Variants in TPST1 observed in about 807,000 individuals in gnomAD.
The protein encoded by TPST1 is protein-tyrosine sulfotransferase 1.
TPST1 carries 20 observed loss-of-function variants against 34.8 expected under a neutral mutation model. That is an observed-to-expected ratio of 0.57 (90% CI 0.40 to 0.84). The LOEUF (loss-of-function observed/expected upper bound fraction) is 0.84, where lower values mean the gene tolerates loss of function less well. Ranked by LOEUF, TPST1 falls within the 40% of genes least tolerant of loss-of-function variation. The pLI is 0.00. For missense variants in TPST1, 353 were observed against 455.5 expected (o/e 0.78, Z 2.05); for synonymous variants, 152 against 159.4 (o/e 0.95, Z 0.35).
intron 2 of TPST1, among the ~76,000 whole-genome samples, chr7:66,284,245 G>T (rs983627515): frequency 6.6e-6 from 1 of 152,124 alleles, no homozygotes; most frequent in Admixed American, 6.5e-5. Flanking sequence ...ATGAAGCAGA[G>T]CTACCATCAG....
chr7:66,328,876 CTCTCTCTCTCTATA>C (rs1389809904), intron 3 of TPST1, among the ~76,000 whole-genome samples: 1 of 24,642 alleles, frequency 4.1e-5, no homozygotes, highest in Non-Finnish European at 8.2e-5. Flanking sequence ...CTCTCTCTCT[CTCTCTCTCTCTATA>C]TATATATATA....
intron 2 of TPST1, among the ~76,000 whole-genome samples, chr7:66,246,754 C>T (rs1486406269): frequency 6.6e-6 from 1 of 152,200 alleles, no homozygotes; most frequent in Non-Finnish European, 1.5e-5. Flanking sequence ...TCCATCATCC[C>T]CAGGATCCAA....
At chr7:66,269,326 A>G (rs1790652685) in intron 2 of TPST1, among the ~76,000 whole-genome samples, 1 of 152,252 alleles carries the variant, frequency 6.6e-6, no homozygotes, top group Non-Finnish European at 1.5e-5. Context: ...TTTCTTATGC[A>G]TGCAGATGCT....
At chr7:66,274,367 A>G (rs974663923) in intron 2 of TPST1, among the ~76,000 whole-genome samples, 201 of 144,076 alleles carry the variant, frequency 1.4e-3, no homozygotes, top group Non-Finnish European at 2.7e-3. Context: ...ACTCCGTCTG[A>G]AAAAAAAAAA....
chr7:66,284,986 A>G (rs11979489), intron 2 of TPST1, among the ~76,000 whole-genome samples: 5,913 of 152,178 alleles, frequency 0.039, 380 homozygotes, highest in African/African-American at 0.13. Context: ...TCCCATAGTT[A>G]TCAGCACTGA....
At chr7:66,293,003 G>A (rs1006723592) in intron 3 of TPST1, among the ~76,000 whole-genome samples, 1 of 152,078 alleles carries the variant, frequency 6.6e-6, no homozygotes, top group East Asian at 1.9e-4. Flanking sequence ...TCAGGAGATC[G>A]AGACCATCCT....
intron 1 of TPST1, among the ~76,000 whole-genome samples, chr7:66,240,122 C>T (rs185260888): frequency 1.2e-4 from 18 of 152,022 alleles, no homozygotes; most frequent in African/African-American, 4.1e-4. Flanking sequence ...CTCCTGACCT[C>T]GTGATCCGCC....
At chr7:66,231,751 C>T (rs533441941) in intron 1 of TPST1, among the ~76,000 whole-genome samples, 155 of 152,360 alleles carry the variant, frequency 1.0e-3, no homozygotes, top group African/African-American at 3.5e-3. Context: ...CTGAGGGAGC[C>T]GGCTCCAGCC....
intron 1 of TPST1, among the ~76,000 whole-genome samples, chr7:66,230,659 TG>T (rs1176879407): frequency 6.6e-6 from 1 of 152,174 alleles, no homozygotes; most frequent in Non-Finnish European, 1.5e-5. Context: ...AAAAGCAGTG[TG>T]GACCCAAAGA....
intron 1 of TPST1, among the ~76,000 whole-genome samples, chr7:66,226,784 T>C (rs549488278): frequency 6.6e-6 from 1 of 152,294 alleles, no homozygotes; most frequent in African/African-American, 2.4e-5. Context: ...TGGCAAGGTA[T>C]TCTTTGCCCT....
At chr7:66,286,165 A>T (rs1201593447) in intron 2 of TPST1, among the ~76,000 whole-genome samples, 1 of 152,052 alleles carries the variant, frequency 6.6e-6, no homozygotes, top group African/African-American at 2.4e-5. Context: ...TTTGGTAAGC[A>T]TTTCAAGTAA....
At chr7:66,264,209 C>T (rs1790545631) in intron 2 of TPST1, among the ~76,000 whole-genome samples, 1 of 152,130 alleles carries the variant, frequency 6.6e-6, no homozygotes, top group Non-Finnish European at 1.5e-5. Flanking sequence ...TTAGTCATTG[C>T]TTCCTGAATC....
chr7:66,211,696 A>G lies in TPST1; in HGVS notation c.-102+6174A>G, dbSNP rs567648762. On this transcript the variant is annotated intron_variant, in intron 1 of 5. Transcript: ENST00000304842. ...AAAAACACACAGTCTTGCCGGGCGC[A>G]GTAGCTCATGCCTGTAATCCCAGCA... 1.3e-3 allele frequency among the ~76,000 whole-genome samples: 196 copies of G among 152,336 alleles called. 1 individual carries two copies. The highest frequency in any genetic ancestry group is 4.4e-3 in the African/African-American group (185 of 41,574).
Position 66,286,708 on chromosome 7 carries a change from G to C in TPST1, c.1043G>C (p.Arg348Thr). 6.6e-7 allele frequency: 1 copy of C among 1,505,936 alleles called. No homozygotes were observed. Among genetic ancestry groups the C allele is most frequent in the Non-Finnish European group, 8.9e-7 (1 of 1,122,200 alleles). 93.3% of individuals were successfully genotyped at this position (1,505,936 alleles called of 1,614,324 possible). ...CCCAAAATTATTGAAAACACTCGAA[G>C]GGTAAGTGAGATTTTTTAAAGCAAC... is the stretch of plus-strand genomic sequence containing the variant. The part of the protein sequence containing the change: ...PDPKIIENTR[R>T]VYKGEFQLPD... The change falls in exon 3 of 6, where the codon AGG becomes ACG. Residue 348 changes from arginine (R) to threonine (T), a missense_variant and splice_region_variant. Coordinates refer to ENST00000304842, the MANE Select transcript of TPST1 (RefSeq NM_003596.4).
chr7:66,307,370 G>A (rs1358177377), intron 3 of TPST1, among the ~76,000 whole-genome samples: 7 of 151,666 alleles, frequency 4.6e-5, no homozygotes, highest in African/African-American at 7.3e-5. Flanking sequence ...CGCCCGCCTC[G>A]GCCTCCCAAA....
At chr7:66,281,311 A>C (rs901268644) in intron 2 of TPST1, among the ~76,000 whole-genome samples, 2 of 152,186 alleles carry the variant, frequency 1.3e-5, no homozygotes, top group Non-Finnish European at 1.5e-5. Flanking sequence ...TATCTCTGAT[A>C]GGTTTTGGTG....
intron 2 of TPST1, among the ~76,000 whole-genome samples, chr7:66,244,464 G>C (rs1483917980): frequency 6.6e-6 from 1 of 152,160 alleles, no homozygotes; most frequent in Non-Finnish European, 1.5e-5. Flanking sequence ...ACTTTGCTTA[G>C]AAATTTCCAG....
At chr7:66,209,397 T>A (rs1225585309) in intron 1 of TPST1, among the ~76,000 whole-genome samples, 1 of 152,184 alleles carries the variant, frequency 6.6e-6, no homozygotes, top group Non-Finnish European at 1.5e-5. Flanking sequence ...TGACCTTGTG[T>A]GTCCTAACAC....
upstream of TPST1, among the ~76,000 whole-genome samples, chr7:66,204,553 G>T (rs1179613689): frequency 6.6e-6 from 1 of 152,214 alleles, no homozygotes; most frequent in Non-Finnish European, 1.5e-5. Context: ...GTTAGATTCT[G>T]CACTCATGCC....
Sources: gnomAD v4.1 joint callset for allele counts (sites outside exome capture counted in the v4.1 genomes callset) on GRCh38, gnomAD v4.1.1 for gene constraint, MANE v1.5 for transcripts, NCBI Gene and HGNC (gene_info 2026-07-23, HGNC 2026-07-21) for gene names.